RBFOX3: variants seen among roughly 807,000 people sequenced by gnomAD.
The protein encoded by RBFOX3 is RNA binding protein fox-1 homolog 3.
Under a neutral mutation model 48.7 loss-of-function variants are expected in RBFOX3, and 17 were observed. The ratio of observed to expected loss-of-function variants is 0.35; its 90% CI spans 0.24 to 0.52. The LOEUF (loss-of-function observed/expected upper bound fraction) is 0.52, where lower values mean the gene tolerates loss of function less well. Among genes scored for constraint, RBFOX3 ranks in the 20% least tolerant of loss-of-function variants. RBFOX3 has a pLI of 0.94. For missense variants in RBFOX3, 382 were observed against 497.5 expected (o/e 0.77, Z 2.21); for synonymous variants, 212 against 209.5 (o/e 1.01, Z -0.10).
intron 3 of RBFOX3, among the ~76,000 whole-genome samples, chr17:79,281,130 T>C (rs975186660): frequency 2.0e-5 from 3 of 152,222 alleles, no homozygotes; most frequent in East Asian, 1.9e-4. Flanking sequence ...CTATGTGACC[T>C]TGGGAGCTTC....
intron 1 of RBFOX3, among the ~76,000 whole-genome samples, chr17:79,603,467 G>A (rs1490609699): frequency 2.0e-5 from 3 of 152,288 alleles, no homozygotes; most frequent in Admixed American, 6.5e-5. Context: ...GCCTGGCTTC[G>A]GGGTGTTCCT....
chr17:79,575,556 C>T (rs1042979255), intron 1 of RBFOX3, among the ~76,000 whole-genome samples: 7 of 152,142 alleles, frequency 4.6e-5, no homozygotes, highest in Non-Finnish European at 1.0e-4. Context: ...GGTCAGCCTT[C>T]GGCTTAGAGA....
chr17:79,129,516 A>T (rs2038252948), intron 4 of RBFOX3, among the ~76,000 whole-genome samples: 1 of 103,680 alleles, frequency 9.6e-6, no homozygotes, highest in African/African-American at 3.2e-5. Flanking sequence ...CCAGTTGTCC[A>T]GGCTTCCTGA....
At position 79,243,091 on chromosome 17, in the gene RBFOX3, G is replaced by A. The variant is rs771657042; in HGVS notation, c.-73-7286C>T. Among the ~76,000 whole-genome samples, 1 of 152,190 alleles carries A rather than the reference G, an allele frequency of 6.6e-6. No individual in the cohort carries two copies. Among genetic ancestry groups the A allele is most frequent in the Non-Finnish European group, 1.5e-5 (1 of 68,028 alleles). ...CATTTCAGCTTTACAACCACCCTAG[G>A]GGGCAGGTACTATGATCACTTCCAG... On this transcript the variant is annotated intron_variant, in intron 3 of 14. Transcript: ENST00000693108. This position sits in a 1 kb window ranked among gnomAD's most constrained non-coding sequence, Gnocchi z 7.9.
chr17:79,524,044 T>A (rs1055155463), intron 1 of RBFOX3, among the ~76,000 whole-genome samples: 3 of 152,130 alleles, frequency 2.0e-5, no homozygotes, highest in Non-Finnish European at 4.4e-5. Context: ...TTCCCATCAT[T>A]AAAGCCAGGG....
chr17:79,643,826 A>G, the RBFOX3 span, among the ~76,000 whole-genome samples: 4 of 152,208 alleles, frequency 2.6e-5, no homozygotes, highest in Non-Finnish European at 5.9e-5. Flanking sequence ...TAATATGCTT[A>G]TATTAAAAAA....
the RBFOX3 span, among the ~76,000 whole-genome samples, chr17:79,660,467 A>T: frequency 6.6e-6 from 1 of 152,246 alleles, no homozygotes; most frequent in African/African-American, 2.4e-5. Flanking sequence ...AATCAACCCC[A>T]TTAAAAAGTA....
the RBFOX3 span, among the ~76,000 whole-genome samples, chr17:79,623,175 A>G: frequency 2.0e-5 from 3 of 152,178 alleles, no homozygotes. Context: ...ATCCCCATCT[A>G]CAGATGAAGA....
intron 4 of RBFOX3, among the ~76,000 whole-genome samples, chr17:79,174,597 CCA>C (rs1408620710): frequency 6.6e-6 from 1 of 151,998 alleles, no homozygotes; most frequent in Non-Finnish European, 1.5e-5. Context: ...CATGCACACA[CCA>C]CTCACACTGA....
chr17:79,568,765 C>T (rs1164043436), intron 1 of RBFOX3, among the ~76,000 whole-genome samples: 37 of 152,206 alleles, frequency 2.4e-4, no homozygotes, highest in Non-Finnish European at 5.9e-5. Flanking sequence ...AAATCCTTCG[C>T]TCTGAAGGCG....
Position 79,362,793 on chromosome 17 carries a change from T to C in RBFOX3, c.-174-54969A>G, listed in dbSNP as rs1173678329. Among the ~76,000 whole-genome samples the C allele has an allele frequency of 6.6e-6, 1 of 152,294 alleles. No homozygotes were observed. The highest frequency in any genetic ancestry group is 1.9e-4 in the East Asian group (1 of 5,172). ...TCAAGGCCACCAGAGCTGGAATTTGTTGCCACAGCTATGAGAGAGGGGTAA... is the reference window on the plus strand; with the variant it reads ...TCAAGGCCACCAGAGCTGGAATTTGCTGCCACAGCTATGAGAGAGGGGTAA... On this transcript the variant is annotated intron_variant, in intron 2 of 14. Coordinates refer to ENST00000693108, the MANE Select transcript of RBFOX3 (RefSeq NM_001350451.2). This position sits in a 1 kb window ranked among gnomAD's most constrained non-coding sequence, Gnocchi z 4.2.
chr17:79,280,852 A>AGGGGGGGGGC (rs2070288262), intron 3 of RBFOX3, among the ~76,000 whole-genome samples: 1 of 102,406 alleles, frequency 9.8e-6, no homozygotes, highest in Non-Finnish European at 2.0e-5. Context: ...GGGGGGGGGG[A>AGGGGGGGGGC]GGGGAGGGTC....
chr17:79,478,607 G>A (rs1394663753), intron 2 of RBFOX3, among the ~76,000 whole-genome samples: 1 of 152,218 alleles, frequency 6.6e-6, no homozygotes, highest in Admixed American at 6.5e-5. Flanking sequence ...ACAACGAACA[G>A]CAATGTGGTT....
intron 2 of RBFOX3, among the ~76,000 whole-genome samples, chr17:79,419,653 C>T (rs182559258): frequency 6.6e-6 from 1 of 152,332 alleles, no homozygotes; most frequent in East Asian, 1.9e-4. Context: ...AAGTGATACC[C>T]ACCTCCCACC....
intron 2 of RBFOX3, among the ~76,000 whole-genome samples, chr17:79,462,413 A>G (rs1448486581): frequency 6.6e-6 from 1 of 152,234 alleles, no homozygotes; most frequent in Non-Finnish European, 1.5e-5. Context: ...CATGGATTCA[A>G]TGCTTAGGAA....
chr17:79,620,445 GCACACATGCGCA>G, the RBFOX3 span, among the ~76,000 whole-genome samples: 14 of 121,570 alleles, frequency 1.2e-4, no homozygotes, highest in Non-Finnish European at 1.8e-4. Flanking sequence ...ACATGCACAT[GCACACATGCGCA>G]CACACATGCA....
intron 2 of RBFOX3, among the ~76,000 whole-genome samples, chr17:79,414,915 C>T (rs544881827): frequency 8.5e-5 from 13 of 152,346 alleles, no homozygotes; most frequent in Admixed American, 2.6e-4. Flanking sequence ...GCCAGGGCAG[C>T]GGGAGGGGCC....
chr17:79,509,562 T>G (rs2083780637), intron 1 of RBFOX3, among the ~76,000 whole-genome samples: 3 of 152,314 alleles, frequency 2.0e-5, no homozygotes, highest in African/African-American at 7.2e-5. Flanking sequence ...GTTCTCCGGC[T>G]GGTCTAAATG....
intron 1 of RBFOX3, among the ~76,000 whole-genome samples, chr17:79,502,579 G>A (rs1426949461): frequency 1.3e-5 from 2 of 152,248 alleles, no homozygotes; most frequent in Admixed American, 6.5e-5. Context: ...GCAGTGATGT[G>A]ATGTCAGTTC....
Sources: gnomAD v4.1 joint callset for allele counts (sites outside exome capture counted in the v4.1 genomes callset) on GRCh38, gnomAD v4.1.1 for gene constraint, Gnocchi (gnomAD v3.1) non-coding constraint, MANE v1.5 for transcripts, NCBI Gene and HGNC (gene_info 2026-07-23, HGNC 2026-07-21) for gene names.